The following MROH2B variants were observed in gnomAD, a reference collection of about 807,000 sequenced individuals.
MROH2B encodes maestro heat-like repeat-containing protein family member 2B.
Under a neutral mutation model 208.6 loss-of-function variants are expected in MROH2B, and 177 were observed. That is an observed-to-expected ratio of 0.85 (90% CI 0.75 to 0.96). MROH2B has a LOEUF of 0.96. Among genes scored for constraint, MROH2B ranks in the 40% least tolerant of loss-of-function variants. The probability of loss-of-function intolerance (pLI) is 0.00; values close to 1 mark genes in which losing one functional copy is unlikely to be tolerated. For synonymous variants in MROH2B, 728 were observed against 659.0 expected, an observed-to-expected ratio of 1.10 and a Z score of -1.60; for missense variants, 2,002 against 1,878.7, an observed-to-expected ratio of 1.07 and a Z score of -1.21.
intron 24 of MROH2B, among the ~76,000 whole-genome samples, chr5:41,028,113 A>G (rs1204910930): frequency 6.6e-6 from 1 of 152,214 alleles, no homozygotes; most frequent in African/African-American, 2.4e-5. Flanking sequence ...GGTGTAGCAC[A>G]CCAACATGGG....
chr5:41,012,931 C>T (rs954591196), intron 29 of MROH2B, among the ~76,000 whole-genome samples, 196 bp from the exon 30 acceptor site: 1 of 152,150 alleles, frequency 6.6e-6, no homozygotes, highest in Admixed American at 6.5e-5. Context: ...GCAAACTTTC[C>T]GTGGAGTTGC....
intron 7 of MROH2B, 125 bp downstream of exon 7, chr5:41,057,938 G>A (rs1250251838): frequency 1.2e-6 from 1 of 838,508 alleles, no homozygotes; most frequent in Non-Finnish European, 1.7e-6. Flanking sequence ...TATTCCTCAA[G>A]AGATATTGAA....
chr5:41,019,594 G>A (rs1742077641), intron 24 of MROH2B, among the ~76,000 whole-genome samples: 1 of 152,078 alleles, frequency 6.6e-6, no homozygotes, highest in African/African-American at 2.4e-5. Context: ...GTCTAGATAT[G>A]ACTTCAAAAA....
In MROH2B at chr5:41,007,461, G is replaced by T. The variant is rs370170177; in HGVS notation, c.3609-7C>A. 10 of 1,555,498 alleles carry T rather than the reference G, an allele frequency of 6.4e-6. No individual in the cohort carries two copies. In the African/African-American group the frequency reaches 1.2e-4, roughly 19 times the overall value. On this transcript the variant is annotated splice_polypyrimidine_tract_variant and splice_region_variant and intron_variant, in intron 33 of 41. Transcript: ENST00000399564. ...TAAAGTAGCAGTTGAAAGCCTAAAG[G>T]AGACAGTCAGCATTACAAAACTAAG...
chr5:41,047,801 C>G, intron 16 of MROH2B, 37 bp from the exon 17 acceptor site: 1 of 1,539,094 alleles, frequency 6.5e-7, no homozygotes, highest in Non-Finnish European at 8.8e-7. Context: ...CGCAAAAAAA[C>G]AAAACCACCC....
At chr5:41,065,129 A>G (rs886727685) in intron 4 of MROH2B, among the ~76,000 whole-genome samples, 1 of 152,210 alleles carries the variant, frequency 6.6e-6, no homozygotes, top group Non-Finnish European at 1.5e-5. Context: ...AGAGTGGCCA[A>G]ATTCAGAGCA....
chr5:41,010,134 A>G, intron 30 of MROH2B, 55 bp from the exon 31 acceptor site: 3 of 1,576,166 alleles, frequency 1.9e-6, no homozygotes, highest in Non-Finnish European at 1.7e-6. Flanking sequence ...CTCTATGTGA[A>G]TGACTCAGAA....
At chr5:41,068,434 C>T (rs978309676) in intron 2 of MROH2B, among the ~76,000 whole-genome samples, 8 of 152,090 alleles carry the variant, frequency 5.3e-5, no homozygotes, top group African/African-American at 1.2e-4. Context: ...ATTTTATTAA[C>T]GCTCACAAGT....
chr5:41,008,757 T>G lies in MROH2B; in HGVS notation c.3457A>C (p.Thr1153Pro). ...TCTGGATACAAGCCGGTGACAGAGG[T>G]GCCCATTGAGATCACTTCATACATA... ...CAMYEVISMG[T>P]SVTGLYPELF... Residue 1153 changes from threonine to proline, a missense_variant, in exon 33 of 42, where the codon ACC becomes CCC. Transcript: ENST00000399564. 1 of 1,613,500 alleles carries G rather than the reference T, an allele frequency of 6.2e-7. No individual in the cohort carries two copies. The highest frequency in any genetic ancestry group is 8.5e-7 in the Non-Finnish European group (1 of 1,179,704).
intron 28 of MROH2B, among the ~76,000 whole-genome samples, chr5:41,016,499 T>C (rs924337970): frequency 3.7e-3 from 30 of 8,180 alleles, no homozygotes; most frequent in African/African-American, 0.013. Flanking sequence ...TACTGTAATG[T>C]TTTTTTTTTT....
At chr5:41,013,027 G>A (rs1170325156) in intron 29 of MROH2B, among the ~76,000 whole-genome samples, 1 of 152,090 alleles carries the variant, frequency 6.6e-6, no homozygotes, top group Non-Finnish European at 1.5e-5. Context: ...TACAGCATAG[G>A]GAAAAATAAT....
At chr5:41,016,614 G>A (rs946021304) in intron 28 of MROH2B, among the ~76,000 whole-genome samples, 5 of 148,088 alleles carry the variant, frequency 3.4e-5, no homozygotes, top group Non-Finnish European at 7.4e-5. Context: ...GAGTAGCTGG[G>A]ATTACAGGCA....
At position 41,021,006 on chromosome 5, in the gene MROH2B, C is replaced by T. The variant is rs56406302; in HGVS notation, c.2442-1988G>A. On this transcript the variant is annotated intron_variant, in intron 24 of 41. Transcript: ENST00000399564. The stretch of plus-strand genomic sequence containing the variant: ...ATTGGAAAAGGAGAAGTAAAACTAT[C>T]TCTGTTTAGAAATGACACAGTCTTA... 2.0e-3 allele frequency among the ~76,000 whole-genome samples: 299 copies of T among 152,284 alleles called. 1 individual carries two copies. Among genetic ancestry groups the T allele is most frequent in the Middle Eastern group, 3.4e-3 (1 of 294 alleles).
chr5:41,065,550 AG>A (rs926031816), intron 3 of MROH2B, 60 bp from the exon 4 acceptor site: 1 of 1,362,990 alleles, frequency 7.3e-7, no homozygotes, highest in Non-Finnish European at 1.0e-6. Flanking sequence ...GAGTCTATGG[AG>A]GGGAACTAGT....
chr5:41,010,109 A>G, intron 30 of MROH2B, 30 bp from the exon 31 acceptor site: 4 of 1,607,132 alleles, frequency 2.5e-6, no homozygotes, highest in Non-Finnish European at 3.4e-6. Context: ...GTCAAACATT[A>G]AGTTGCCATT....
chr5:41,013,693 T>C (rs1248840128), intron 29 of MROH2B, among the ~76,000 whole-genome samples: 2 of 152,208 alleles, frequency 1.3e-5, no homozygotes, highest in African/African-American at 4.8e-5. Flanking sequence ...CCAAGCTTCA[T>C]GGTTAGCTGT....
intron 21 of MROH2B, among the ~76,000 whole-genome samples, chr5:41,036,427 C>T (rs1742762195): frequency 1.3e-5 from 2 of 152,116 alleles, no homozygotes; most frequent in Admixed American, 6.6e-5. Flanking sequence ...CCATGTGGAA[C>T]TTTAAGTCCA....
chr5:41,002,690 G>A (rs757684652), intron 37 of MROH2B, among the ~76,000 whole-genome samples: 1 of 152,176 alleles, frequency 6.6e-6, no homozygotes, highest in African/African-American at 2.4e-5. Flanking sequence ...GATGAGCAAG[G>A]TCTGAGCTAA....
intron 20 of MROH2B, 58 bp from the exon 21 acceptor site, chr5:41,038,946 C>A (rs1019589002): frequency 2.0e-6 from 3 of 1,510,396 alleles, no homozygotes; most frequent in Admixed American, 4.0e-5. Context: ...TATTTTCTCT[C>A]ATGTTTTTTT....
Sources: gnomAD v4.1 joint callset for allele counts (sites outside exome capture counted in the v4.1 genomes callset) on GRCh38, gnomAD v4.1.1 for gene constraint, MANE v1.5 for transcripts, NCBI Gene and HGNC (gene_info 2026-07-23, HGNC 2026-07-21) for gene names.